RBM33: variants seen among roughly 807,000 people sequenced by gnomAD.
The protein encoded by RBM33 is RNA-binding protein 33.
In RBM33, 28 loss-of-function variants were observed where a neutral mutation model predicts 132.6. The observed-to-expected ratio is 0.21, with a 90% CI of 0.16 to 0.29. The LOEUF (loss-of-function observed/expected upper bound fraction) is 0.29, where lower values mean the gene tolerates loss of function less well. Ranked by LOEUF, RBM33 falls within the 10% of genes least tolerant of loss-of-function variation. The probability of loss-of-function intolerance (pLI) is 1.00; values close to 1 mark genes in which losing one functional copy is unlikely to be tolerated. For synonymous variants in RBM33, 634 were observed against 593.0 expected, an observed-to-expected ratio of 1.07 and a Z score of -1.01; for missense variants, 1,291 against 1,518.5, an observed-to-expected ratio of 0.85 and a Z score of 2.49.
At chr7:155,648,115 T>A (rs1218354757) in intron 1 of RBM33, among the ~76,000 whole-genome samples, 11 of 152,196 alleles carry the variant, frequency 7.2e-5, no homozygotes, top group Admixed American at 7.2e-4. Context: ...TAAAAAGTTT[T>A]AATGGGAAAT....
chr7:155,673,948 T>TTTTTTTTTTTG (rs1799097016), intron 3 of RBM33, among the ~76,000 whole-genome samples: 2 of 104,556 alleles, frequency 1.9e-5, no homozygotes, highest in Non-Finnish European at 4.0e-5. Context: ...TAGTTTTTTT[T>TTTTTTTTTTTG]TTTTTTTTTT....
chr7:155,766,398 T>C, intron 15 of RBM33, 69 bp from the exon 16 acceptor site: 1 of 1,507,722 alleles, frequency 6.6e-7, no homozygotes, highest in African/African-American at 1.4e-5. Context: ...TTGTTCACTT[T>C]TATATCTTAG....
chr7:155,684,831 T>C, intron 5 of RBM33: 2 of 1,340,286 alleles, frequency 1.5e-6, no homozygotes, highest in Non-Finnish European at 2.0e-6. Context: ...ATAGTAAAAC[T>C]TTCTACAATT....
chr7:155,717,114 G>A (rs1800484143), intron 8 of RBM33, among the ~76,000 whole-genome samples: 1 of 152,164 alleles, frequency 6.6e-6, no homozygotes, highest in African/African-American at 2.4e-5. Flanking sequence ...TTCACATTTA[G>A]CAGAAACTTC....
intron 1 of RBM33, 81 bp from the exon 2 acceptor site, chr7:155,665,094 A>T (rs73167106): frequency 0.032 from 37,029 of 1,171,664 alleles, 775 homozygotes; most frequent in Admixed American, 0.052. Context: ...AATCCTTAAA[A>T]AAGTTGTTTT....
At chr7:155,716,746 C>T (rs2045967803) in intron 8 of RBM33, among the ~76,000 whole-genome samples, 1 of 152,104 alleles carries the variant, frequency 6.6e-6, no homozygotes, top group African/African-American at 2.4e-5. Flanking sequence ...ATTGATGTAA[C>T]ATCAGCTGTG....
At chr7:155,718,083 G>GT (rs375578498) in intron 8 of RBM33, among the ~76,000 whole-genome samples, 1 of 152,090 alleles carries the variant, frequency 6.6e-6, no homozygotes, top group African/African-American at 2.4e-5. Context: ...AACAAACTAG[G>GT]TTTTTTATTT....
rs187323201 is a variant in RBM33, at chr7:155,699,101, C to T, written c.568-1672C>T. On this transcript the variant is annotated intron_variant, in intron 5 of 17. Transcript: ENST00000401878. Reference sequence around the variant, plus strand: ...AGAATAAGCTATATTAATTTCCGTGCTGTCTTGTTTTACATTAAACTTGTT... The same window carrying T: ...AGAATAAGCTATATTAATTTCCGTGTTGTCTTGTTTTACATTAAACTTGTT... Among the ~76,000 whole-genome samples the T allele has an allele frequency of 9.8e-5, 15 of 152,288 alleles. No homozygotes were observed. The East Asian group carries it at 2.3e-3, about 23-fold the overall frequency.
chr7:155,673,803 C>CCA (rs1326504237), intron 3 of RBM33, among the ~76,000 whole-genome samples: 5 of 150,114 alleles, frequency 3.3e-5, no homozygotes, highest in African/African-American at 9.9e-5. Context: ...CACACACACC[C>CCA]CTACCAGTAT....
chr7:155,746,158 T>G (rs1801510484), intron 14 of RBM33, among the ~76,000 whole-genome samples: 1 of 152,194 alleles, frequency 6.6e-6, no homozygotes, highest in Admixed American at 6.5e-5. Flanking sequence ...AGTTTTAGCT[T>G]CTTATTGTAG....
At chr7:155,734,641 A>C (rs1239187685) in intron 9 of RBM33, among the ~76,000 whole-genome samples, 1 of 152,072 alleles carries the variant, frequency 6.6e-6, no homozygotes, top group Non-Finnish European at 1.5e-5. Context: ...AATTCTTCTA[A>C]TGAATCTTAC....
chr7:155,716,021 A>C (rs1800450020), intron 8 of RBM33, among the ~76,000 whole-genome samples: 1 of 151,406 alleles, frequency 6.6e-6, no homozygotes, highest in Non-Finnish European at 1.5e-5. Context: ...TTAGTATTAT[A>C]ATTATAATGA....
chr7:155,679,121 G>A (rs1299929533), intron 4 of RBM33, among the ~76,000 whole-genome samples: 1 of 152,064 alleles, frequency 6.6e-6, no homozygotes. Context: ...GCAGTGAGCC[G>A]AGATTGTGCC....
intron 1 of RBM33, among the ~76,000 whole-genome samples, chr7:155,656,613 T>C (rs1312848476): frequency 2.0e-5 from 3 of 152,234 alleles, no homozygotes; most frequent in Non-Finnish European, 2.9e-5. Flanking sequence ...TGTATGTATA[T>C]ATCTCACAAG....
intron 16 of RBM33, among the ~76,000 whole-genome samples, chr7:155,770,495 ACT>A (rs1563184742): frequency 6.6e-6 from 1 of 151,192 alleles, no homozygotes; most frequent in African/African-American, 2.4e-5. Flanking sequence ...CTAGTGTCAG[ACT>A]CTGCTCTAGG....
At chr7:155,737,455 G>C (rs1801164545) in intron 9 of RBM33, 75 bp from the exon 10 acceptor site, 2 of 1,455,504 alleles carry the variant, frequency 1.4e-6, no homozygotes, top group African/African-American at 2.9e-5. Flanking sequence ...TTGGAACCAG[G>C]TCTATATTTC....
chr7:155,720,342 A>G (rs1330774101), intron 9 of RBM33, among the ~76,000 whole-genome samples: 1 of 152,184 alleles, frequency 6.6e-6, no homozygotes, highest in East Asian at 1.9e-4. Flanking sequence ...TTATTTCTCA[A>G]ATCATTTTCC....
chr7:155,665,524 T>G (rs564667815), intron 2 of RBM33, among the ~76,000 whole-genome samples: 13 of 152,376 alleles, frequency 8.5e-5, no homozygotes, highest in African/African-American at 3.1e-4. Context: ...ATACTGACTT[T>G]GTGGACACCC....
At chr7:155,712,424 T>G (rs182521576) in intron 8 of RBM33, among the ~76,000 whole-genome samples, 1 of 152,376 alleles carries the variant, frequency 6.6e-6, no homozygotes, top group East Asian at 1.9e-4. Context: ...GACAAAGCTT[T>G]CTTCAACCAT....
Sources: allele counts gnomAD v4.1 joint callset (sites outside exome capture counted in the v4.1 genomes callset), GRCh38; gene constraint gnomAD v4.1.1; transcripts MANE v1.5; gene names NCBI Gene and HGNC (gene_info 2026-07-23, HGNC 2026-07-21).